The following AFP variants were observed in gnomAD, a reference collection of about 807,000 sequenced individuals.
AFP encodes the protein alpha fetoprotein.
In AFP, 64 loss-of-function variants were observed where a neutral mutation model predicts 78.9. The observed-to-expected ratio is 0.81, with a 90% CI of 0.66 to 1.00. The LOEUF (loss-of-function observed/expected upper bound fraction) is 1.00. Ranked by LOEUF, AFP falls within the 50% of genes least tolerant of loss-of-function variation. AFP has a pLI of 0.00. For synonymous variants in AFP, 254 were observed against 243.8 expected (o/e 1.04, Z -0.39); for missense variants, 689 against 703.8 (o/e 0.98, Z 0.24).
chr4:73,448,621 G>A (rs939975743), intron 8 of AFP, among the ~76,000 whole-genome samples: 7 of 152,104 alleles, frequency 4.6e-5, no homozygotes, highest in Admixed American at 6.6e-5. Flanking sequence ...CTGGGAATAC[G>A]GTTAGTAAAG....
chr4:73,444,919 T>C (rs1719773143), intron 6 of AFP, 74 bp from the exon 7 acceptor site: 1 of 1,309,402 alleles, frequency 7.6e-7, no homozygotes, highest in Non-Finnish European at 1.1e-6. Context: ...TCTACTGTAG[T>C]AATACTCTAT....
intron 11 of AFP, among the ~76,000 whole-genome samples, chr4:73,451,450 T>A (rs1007929684): frequency 2.0e-5 from 3 of 152,212 alleles, no homozygotes; most frequent in African/African-American, 7.2e-5. Flanking sequence ...GGGGAGTTAT[T>A]TGCTGTTAGT....
intron 8 of AFP, among the ~76,000 whole-genome samples, chr4:73,448,851 C>G (rs1002156180): frequency 6.6e-6 from 1 of 152,268 alleles, no homozygotes; most frequent in Middle Eastern, 3.4e-3. Flanking sequence ...TTAGTGGCCT[C>G]TCCACCTTGG....
chr4:73,442,809 T>A (rs1295147237), intron 5 of AFP, among the ~76,000 whole-genome samples: 1 of 152,162 alleles, frequency 6.6e-6, no homozygotes, highest in Non-Finnish European at 1.5e-5. Flanking sequence ...ACTGTTTTTT[T>A]AAACCTTAGA....
At chr4:73,440,870 T>C in intron 4 of AFP, 57 bp downstream of exon 4, 1 of 1,498,500 alleles carries the variant, frequency 6.7e-7, no homozygotes, top group Non-Finnish European at 9.2e-7. Context: ...ATGGCAAGCC[T>C]AATTTAGTAT....
At chr4:73,449,116 A>G (rs896499432) in intron 8 of AFP, among the ~76,000 whole-genome samples, 1 of 152,202 alleles carries the variant, frequency 6.6e-6, no homozygotes, top group African/African-American at 2.4e-5. Context: ...TGAGAGATGC[A>G]GGAGAAAACA....
chr4:73,450,717 C>G lies in AFP; in HGVS notation c.1392C>G (p.Leu464=). The change falls in exon 11 of 15, where the codon CTC becomes CTG. Residue 464 remains leucine (L), a synonymous_variant. Coordinates refer to ENST00000395792, the MANE Select transcript of AFP (RefSeq NM_001134.3). ...CCACAGCAGCCACTTGTTGCCAACT[C>G]AGTGAGGACAAACTATTGGCCTGTG... ...MAATAATCCQ[L]SEDKLLACGE... The G allele has an allele frequency of 6.2e-7, 1 of 1,614,204 alleles. No individual in the cohort carries two copies. Among genetic ancestry groups the G allele is most frequent in the Non-Finnish European group, 8.5e-7 (1 of 1,180,018 alleles).
chr4:73,442,219 C>T, intron 4 of AFP, 77 bp from the exon 5 acceptor site: 1 of 1,353,794 alleles, frequency 7.4e-7, no homozygotes, highest in Non-Finnish European at 1.0e-6. Flanking sequence ...TTAAATAAAT[C>T]CCAGTGTCCA....
chr4:73,452,918 G>A (rs1490185935), intron 12 of AFP, among the ~76,000 whole-genome samples: 1 of 152,156 alleles, frequency 6.6e-6, no homozygotes, highest in East Asian at 1.9e-4. Context: ...TCTATTCTGA[G>A]GAATTAGAGT....
rs192631782 is a variant in AFP, at chr4:73,453,798, A to G, written c.1686A>G (p.Gln562=). The change falls in exon 13 of 15, where the codon CAA becomes CAG. Residue 562 remains glutamine, a synonymous_variant. Coordinates refer to ENST00000395792, the MANE Select transcript of AFP (RefSeq NM_001134.3). ...TTAACCTTGTGAAGCAAAAGCCACA[A>G]ATAACAGAGGAACAACTTGAGGCTG... ...FLINLVKQKP[Q]ITEEQLEAVI... 1,397 of 1,613,812 alleles carry G rather than the reference A, an allele frequency of 8.7e-4. 2 individuals are homozygous for G. Among genetic ancestry groups the G allele is most frequent in the Admixed American group, 1.3e-3 (75 of 59,996 alleles).
intron 8 of AFP, 113 bp downstream of exon 8, chr4:73,447,789 G>C: frequency 1.1e-6 from 1 of 889,134 alleles, no homozygotes; most frequent in Non-Finnish European, 1.8e-6. Context: ...CAATATGTGA[G>C]GATATTTGGC....
intron 13 of AFP, 22 bp downstream of exon 13, chr4:73,453,919 C>T: frequency 1.9e-6 from 3 of 1,613,168 alleles, no homozygotes; most frequent in Non-Finnish European, 8.5e-7. Flanking sequence ...TCATTTCATA[C>T]TCAAAATACT....
chr4:73,441,072 C>CTT (rs373425208), intron 4 of AFP, among the ~76,000 whole-genome samples: 6 of 149,072 alleles, frequency 4.0e-5, no homozygotes, highest in African/African-American at 1.5e-4. Context: ...AGATATACAC[C>CTT]TTTTTTTTTT....
At chr4:73,440,463 A>G in intron 3 of AFP, 139 bp from the exon 4 acceptor site, 1 of 721,042 alleles carries the variant, frequency 1.4e-6, no homozygotes, top group South Asian at 1.8e-5. Flanking sequence ...AGGCTGAAAC[A>G]AAATACATTA....
intron 4 of AFP, among the ~76,000 whole-genome samples, chr4:73,441,836 C>T (rs187516663): frequency 4.5e-4 from 68 of 152,270 alleles, no homozygotes; most frequent in African/African-American, 1.6e-3. Context: ...ACTTCCTAAA[C>T]CAGATAAATA....
chr4:73,453,642 C>T, intron 12 of AFP, 123 bp from the exon 13 acceptor site: 1 of 1,089,992 alleles, frequency 9.2e-7, no homozygotes, highest in Non-Finnish European at 1.4e-6. Context: ...TGTGTGTGGT[C>T]AGTCTGGTGA....
rs113645421 is a variant in AFP, at chr4:73,440,784, T to C, written c.453T>C (p.Tyr151=). 5 of 1,614,116 alleles carry C rather than the reference T, an allele frequency of 3.1e-6. No homozygotes were observed. Among genetic ancestry groups the C allele is most frequent in the Non-Finnish European group, 4.2e-6 (5 of 1,180,000 alleles). The part of the protein sequence containing the change: ...VPEPVTSCEA[Y]EEDRETFMNK... ...AACCTGTCACAAGCTGTGAAGCATATGAAGAAGACAGGGAGACATTCATGA... is the reference window on the plus strand; with the variant it reads ...AACCTGTCACAAGCTGTGAAGCATACGAAGAAGACAGGGAGACATTCATGA... The change falls in exon 4 of 15, where the codon TAT becomes TAC. Residue 151 remains tyrosine, a synonymous_variant. Coordinates refer to ENST00000395792, the MANE Select transcript of AFP (RefSeq NM_001134.3).
intron 6 of AFP, among the ~76,000 whole-genome samples, 166 bp from the exon 7 acceptor site, chr4:73,444,827 A>G (rs950729415): frequency 4.6e-5 from 7 of 152,238 alleles, no homozygotes; most frequent in Middle Eastern, 3.2e-3. Context: ...ACCTTGAAAG[A>G]TATGGCTGGA....
chr4:73,447,385 T>C, intron 7 of AFP, 77 bp from the exon 8 acceptor site: 1 of 1,144,566 alleles, frequency 8.7e-7, no homozygotes, highest in Non-Finnish European at 1.2e-6. Flanking sequence ...CCTTTCTTCC[T>C]TTTTCTAAAG....
Sources: gnomAD v4.1 joint callset for allele counts (sites outside exome capture counted in the v4.1 genomes callset) on GRCh38, gnomAD v4.1.1 for gene constraint, MANE v1.5 for transcripts, NCBI Gene and HGNC (gene_info 2026-07-23, HGNC 2026-07-21) for gene names.